DLG2: variants seen among roughly 807,000 people sequenced by gnomAD.
DLG2 encodes the protein disks large homolog 2.
A neutral mutation model predicts 132.5 loss-of-function variants in DLG2; 45 were observed. The ratio of observed to expected loss-of-function variants is 0.34; its 90% CI spans 0.27 to 0.44. The LOEUF (loss-of-function observed/expected upper bound fraction) is 0.44. DLG2 is among the 20% of genes least tolerant of loss of function. DLG2 has a pLI of 1.00. For missense variants in DLG2, 1,045 were observed against 1,196.9 expected (o/e 0.87, Z 1.87); for synonymous variants, 424 against 419.6 (o/e 1.01, Z -0.13).
At chr11:83,703,005 G>T (rs1450195292) in intron 18 of DLG2, among the ~76,000 whole-genome samples, 1 of 152,196 alleles carries the variant, frequency 6.6e-6, no homozygotes, top group Admixed American at 6.5e-5. Context: ...CCCCAGGGGG[G>T]AAAATATATT....
rs1270553062 is a variant in DLG2 at position 85,598,759 on chromosome 11, C to T, written c.-63G>A. On this transcript the variant is annotated 5_prime_UTR_variant, in exon 3 of 28. Transcript: ENST00000376104. ...GGTTTCCTTAATTTTTTGCAGTATT[C>T]TTCCAGTAATGATAAAGCTCGGTCA... 2 of 1,382,354 alleles carry T rather than the reference C, an allele frequency of 1.4e-6. No homozygotes were observed. Among genetic ancestry groups the T allele is most frequent in the Non-Finnish European group, 2.0e-6 (2 of 1,011,138 alleles). The allele number at this position is 1,382,354 out of a possible 1,614,324, so 85.6% of individuals were successfully genotyped here. A position where few individuals can be genotyped will look rare whatever the true frequency, so the allele number is the denominator to read the frequency against.
At chr11:84,832,128 CCTTT>C (rs1044288291) in intron 6 of DLG2, among the ~76,000 whole-genome samples, 1 of 151,616 alleles carries the variant, frequency 6.6e-6, no homozygotes, top group Admixed American at 6.6e-5. Flanking sequence ...TTCTTTTCTT[CCTTT>C]CTGTTTTTTA....
intron 21 of DLG2, among the ~76,000 whole-genome samples, chr11:83,519,774 G>A (rs147901435): frequency 1.4e-3 from 206 of 152,328 alleles, no homozygotes; most frequent in African/African-American, 4.7e-3. Flanking sequence ...GGCAGCTCAT[G>A]GGATGAGCTG....
intron 7 of DLG2, among the ~76,000 whole-genome samples, chr11:84,372,971 C>A (rs921024248): frequency 6.6e-6 from 1 of 151,724 alleles, no homozygotes; most frequent in Non-Finnish European, 1.5e-5. Flanking sequence ...GATGAAACCA[C>A]GAGAGTTACT....
intron 6 of DLG2, among the ~76,000 whole-genome samples, chr11:84,810,934 A>G (rs11234189): frequency 0.065 from 9,955 of 152,224 alleles, 444 homozygotes; most frequent in South Asian, 0.14. Flanking sequence ...AGAGACTAAA[A>G]GTAGAGAAGG....
At chr11:85,290,538 G>C (rs1173289855) in intron 3 of DLG2, among the ~76,000 whole-genome samples, 1 of 151,836 alleles carries the variant, frequency 6.6e-6, no homozygotes, top group African/African-American at 2.4e-5. Context: ...AAAGAAAAGT[G>C]GGGTTAAAGA....
At chr11:84,754,122 A>G (rs1278717250) in intron 6 of DLG2, among the ~76,000 whole-genome samples, 1 of 152,212 alleles carries the variant, frequency 6.6e-6, no homozygotes, top group African/African-American at 2.4e-5. Flanking sequence ...GCTTTGCTAA[A>G]TAGGAGGACA....
intron 3 of DLG2, among the ~76,000 whole-genome samples, chr11:85,530,020 G>C (rs2075086145): frequency 8.0e-6 from 1 of 125,756 alleles, no homozygotes; most frequent in Non-Finnish European, 1.6e-5. Context: ...GTGGAGTTTG[G>C]AGTTTCACTC....
At chr11:85,584,339 GGTGTGTGTGTGTGTGTGTGT>G (rs61334060) in intron 3 of DLG2, among the ~76,000 whole-genome samples, 6 of 145,068 alleles carry the variant, frequency 4.1e-5, no homozygotes, top group African/African-American at 1.0e-4. Flanking sequence ...AGTATTCCAT[GGTGTGTGTGTGTGTGTGTGT>G]GTGTGTGTGT....
In DLG2 at chr11:85,007,194, G is replaced by A. The variant is rs533876769; in HGVS notation, c.357+104467C>T. Reference sequence around the variant, plus strand: ...TTATACTTGAGTGACTTTGAGCTAAGTACATAACTCTCAAAGAACCTTACC... The same window carrying A: ...TTATACTTGAGTGACTTTGAGCTAAATACATAACTCTCAAAGAACCTTACC... On this transcript the variant is annotated intron_variant, in intron 6 of 27. Transcript: ENST00000376104. Among the ~76,000 whole-genome samples, 114 of 73,206 alleles carry A rather than the reference G, an allele frequency of 1.6e-3. 1 individual carries two copies. In the South Asian group the frequency reaches 0.04, roughly 26 times the overall value. The allele number at this position is 73,206 out of a possible 152,430, so 48.0% of individuals were successfully genotyped here.
intron 21 of DLG2, among the ~76,000 whole-genome samples, chr11:83,488,931 G>C (rs925130646): frequency 1.3e-5 from 2 of 151,966 alleles, no homozygotes; most frequent in African/African-American, 4.8e-5. Context: ...GAGGGGTTAA[G>C]GGAAAGATAA....
intron 6 of DLG2, among the ~76,000 whole-genome samples, chr11:84,854,752 G>A (rs146657796): frequency 2.0e-5 from 3 of 151,978 alleles, no homozygotes; most frequent in Admixed American, 6.6e-5. Context: ...AGTTCAAACC[G>A]TGTATTAAAG....
chr11:84,498,124 G>C (rs191891792), intron 7 of DLG2, among the ~76,000 whole-genome samples: 3 of 152,218 alleles, frequency 2.0e-5, no homozygotes. Flanking sequence ...GTGTTTTCTG[G>C]CACAAAAACG....
intron 7 of DLG2, among the ~76,000 whole-genome samples, chr11:84,270,197 T>C (rs112736792): frequency 2.0e-5 from 3 of 152,236 alleles, no homozygotes; most frequent in African/African-American, 7.2e-5. Context: ...ATGGAACCAA[T>C]TTAAAATACT....
chr11:84,516,068 G>A (rs139433038), intron 7 of DLG2, among the ~76,000 whole-genome samples: 48 of 151,100 alleles, frequency 3.2e-4, no homozygotes, highest in African/African-American at 9.0e-4. Context: ...TACAAAAACC[G>A]ACAGAATACT....
At chr11:85,117,855 T>C (rs1424756640) in intron 5 of DLG2, among the ~76,000 whole-genome samples, 1 of 152,052 alleles carries the variant, frequency 6.6e-6, no homozygotes, top group African/African-American at 2.4e-5. Flanking sequence ...GTAGGACTTT[T>C]CATTTCCTGT....
chr11:83,737,412 G>C (rs543286571), intron 18 of DLG2, among the ~76,000 whole-genome samples: 1 of 152,056 alleles, frequency 6.6e-6, no homozygotes, highest in South Asian at 2.1e-4. Context: ...ATATTGATTG[G>C]TTCTATTTTT....
intron 7 of DLG2, among the ~76,000 whole-genome samples, chr11:84,346,449 G>C (rs959122704): frequency 6.6e-6 from 1 of 152,182 alleles, no homozygotes; most frequent in African/African-American, 2.4e-5. Context: ...CGTAAATCTT[G>C]AGAAATTAAC....
At chr11:84,541,785 C>T (rs1245549125) in intron 6 of DLG2, among the ~76,000 whole-genome samples, 2 of 152,082 alleles carry the variant, frequency 1.3e-5, no homozygotes, top group Non-Finnish European at 2.9e-5. Flanking sequence ...CGCAGTTATA[C>T]TCATACTCAT....
Sources: gnomAD v4.1 joint callset for allele counts (sites outside exome capture counted in the v4.1 genomes callset) on GRCh38, gnomAD v4.1.1 for gene constraint, MANE v1.5 for transcripts, NCBI Gene and HGNC (gene_info 2026-07-23, HGNC 2026-07-21) for gene names.